The following ZNF44 variants were observed in gnomAD, a reference collection of about 807,000 sequenced individuals.
ZNF44 encodes the protein gonadotropin inducible transcription repressor-2.
In ZNF44, 9 loss-of-function variants were observed where a neutral mutation model predicts 11.7. That is an observed-to-expected ratio of 0.77 (90% CI 0.46 to 1.35). ZNF44 has a LOEUF of 1.35. Among genes scored for constraint, ZNF44 ranks in the 40% most tolerant of loss-of-function variants. The pLI, the probability that ZNF44 is intolerant of heterozygous loss-of-function variation, is 0.00. For synonymous variants in ZNF44, 224 were observed against 242.7 expected (o/e 0.92, Z 0.72); for missense variants, 696 against 743.1 (o/e 0.94, Z 0.74).
At chr19:12,248,634 T>G in exon 8 of ZNF44, 1 of 1,310,724 alleles carries the variant, frequency 7.6e-7, no homozygotes, top group Non-Finnish European at 1.0e-6. Context: ...TTCTCCGCCA[T>G]GACTACCTTC....
At chr19:12,242,443 G>C (rs1013945671), upstream of ZNF44, among the ~76,000 whole-genome samples, 2 of 150,948 alleles carry the variant, frequency 1.3e-5, no homozygotes, top group African/African-American at 4.9e-5. Context: ...CTGGGAGGCG[G>C]AGCTTGCAGT....
At position 12,273,709 on chromosome 19, in the gene ZNF44, T is replaced by A. The variant is rs1967082178; in HGVS notation, c.546A>T (p.Gly182=). ...TTACTACCATATGTCTTCGAAGGTTTCCAGGAGAACTGAAGGTTTTTCCAC... is the reference window on the plus strand; with the variant it reads ...TTACTACCATATGTCTTCGAAGGTTACCAGGAGAACTGAAGGTTTTTCCAC... ...KECGKTFSSP[G]NLRRHMVVKG... is the part of the protein sequence containing the mutation. The change falls in exon 4 of 4, where the codon GGA becomes GGT. Residue 182 remains glycine, a synonymous_variant. Transcript: ENST00000355684. The A allele has an allele frequency of 3.7e-6, 6 of 1,614,154 alleles. No individual in the cohort carries two copies. The highest frequency in any genetic ancestry group is 1.6e-4 in the Middle Eastern group (1 of 6,062).
chr19:12,230,091 C>G (rs1298050055), intron 3 of ZNF44, among the ~76,000 whole-genome samples: 3 of 152,086 alleles, frequency 2.0e-5, no homozygotes, highest in Admixed American at 2.0e-4. Context: ...CATTTTTGGG[C>G]CATCAGCTGT....
At chr19:12,286,324 G>T (rs1345727707) in intron 1 of ZNF44, among the ~76,000 whole-genome samples, 1 of 151,958 alleles carries the variant, frequency 6.6e-6, no homozygotes, top group Non-Finnish European at 1.5e-5. Flanking sequence ...AGAATCATCT[G>T]AAGGGCTTGT....
upstream of ZNF44, chr19:12,237,905 CTTTCTG>C (rs1457120655): frequency 6.6e-6 from 1 of 152,278 alleles, no homozygotes; most frequent in Non-Finnish European, 1.5e-5. Context: ...TCACTGGGCC[CTTTCTG>C]TTTCTTCCTT....
intron 1 of ZNF44, among the ~76,000 whole-genome samples, chr19:12,277,777 C>T (rs1967296660): frequency 6.6e-6 from 1 of 152,182 alleles, no homozygotes; most frequent in Admixed American, 6.5e-5. Context: ...TTTGTTTCCA[C>T]ATTATTGCCT....
At chr19:12,266,107 G>C (rs1208601318) in intron 5 of ZNF44, among the ~76,000 whole-genome samples, 4 of 152,082 alleles carry the variant, frequency 2.6e-5, no homozygotes, top group South Asian at 2.1e-4. Context: ...CCCGACTGCC[G>C]GCCGGACCAG....
At chr19:12,289,457 G>T (rs1967909635) in intron 1 of ZNF44, among the ~76,000 whole-genome samples, 1 of 151,952 alleles carries the variant, frequency 6.6e-6, no homozygotes, top group Admixed American at 6.6e-5. Flanking sequence ...TTGAGTCAGG[G>T]TAAAACACTC....
intron 1 of ZNF44, among the ~76,000 whole-genome samples, chr19:12,279,812 G>GA (rs981805036): frequency 2.2e-4 from 25 of 115,146 alleles, no homozygotes; most frequent in South Asian, 7.6e-4. Flanking sequence ...GCAACCAGTG[G>GA]AAAAAAAAAA....
intron 1 of ZNF44, among the ~76,000 whole-genome samples, chr19:12,235,318 G>A (rs867260319): frequency 6.6e-6 from 1 of 152,304 alleles, no homozygotes; most frequent in African/African-American, 2.4e-5. Flanking sequence ...GCAGTGAGCC[G>A]AGATCGCGCC....
chr19:12,260,896 T>C (rs1046847259), intron 5 of ZNF44, among the ~76,000 whole-genome samples: 4 of 152,100 alleles, frequency 2.6e-5, no homozygotes, highest in Non-Finnish European at 4.4e-5. Context: ...CAAGAGAAGA[T>C]AGACCCATGA....
At chr19:12,281,756 A>T (rs1327617741) in intron 1 of ZNF44, among the ~76,000 whole-genome samples, 2 of 152,156 alleles carry the variant, frequency 1.3e-5, no homozygotes, top group African/African-American at 4.8e-5. Flanking sequence ...AGGAACAACT[A>T]AGTGCCCACA....
intron 5 of ZNF44, among the ~76,000 whole-genome samples, chr19:12,252,051 C>CAAAA (rs61116689): frequency 1.1e-5 from 1 of 90,778 alleles, no homozygotes. Flanking sequence ...AACTCCATCT[C>CAAAA]AAAAAAAAAA....
At chr19:12,283,188 A>C (rs1967559704) in intron 1 of ZNF44, among the ~76,000 whole-genome samples, 1 of 152,218 alleles carries the variant, frequency 6.6e-6, no homozygotes, top group South Asian at 2.1e-4. Context: ...CAATGTAACC[A>C]TCCCCAACCA....
chr19:12,272,767 CCT>C lies in ZNF44; in HGVS notation c.1486_1487del (p.Arg496AspfsTer4). 2.5e-6 allele frequency: 4 copies of C among 1,613,906 alleles called. No individual in the cohort carries two copies. The highest frequency in any genetic ancestry group is 3.4e-6 in the Non-Finnish European group (4 of 1,179,866). Reference protein sequence around the residue: ...SSFKYFCRHERTHSEEKSYEC... With the variant: ...SSFKYFCRHEXTHSEEKSYEC... ...CATAAGATTTTTCTTCACTGTGAGT[CCT>C]TTCATGGCGACAAAAGTATTTAAAA... is the stretch of plus-strand genomic sequence containing the variant. On this transcript the variant is annotated frameshift_variant, in exon 4 of 4. Transcript: ENST00000355684. LOFTEE classifies it low-confidence loss of function (END_TRUNC).
At chr19:12,230,065 T>TGC (rs1211569629) in intron 3 of ZNF44, among the ~76,000 whole-genome samples, 2 of 152,188 alleles carry the variant, frequency 1.3e-5, no homozygotes, top group African/African-American at 4.8e-5. Context: ...CCTGAGAATT[T>TGC]GCAAGCTAAA....
chr19:12,255,130 A>AC (rs1418937188), intron 5 of ZNF44, among the ~76,000 whole-genome samples: 2 of 139,692 alleles, frequency 1.4e-5, no homozygotes, highest in Admixed American at 6.8e-5. Flanking sequence ...ACACACACAC[A>AC]CACCCCTTTG....
At chr19:12,290,835 A>T (rs1168503536) in intron 1 of ZNF44, among the ~76,000 whole-genome samples, 1 of 152,092 alleles carries the variant, frequency 6.6e-6, no homozygotes, top group African/African-American at 2.4e-5. Flanking sequence ...GCCCACAATG[A>T]CCTCCCTTTG....
Position 12,276,050 on chromosome 19 carries a change from G to T in ZNF44, c.36C>A (p.Asn12Lys). 6.2e-7 allele frequency: 1 copy of T among 1,608,470 alleles called. No individual in the cohort carries two copies. The highest frequency in any genetic ancestry group is 1.1e-5 in the South Asian group (1 of 91,042). Residue 12 changes from asparagine to lysine, a missense_variant, in exon 2 of 4, where the codon AAC becomes AAA. By Grantham distance (94) the Asn-to-Lys change is moderately conservative. Transcript: ENST00000355684. ...GCAAAGCCCACTCCTCATGGGTGAAGTTCACAGCCACATCCTCAAAGGCCA... is the reference window on the plus strand; with the variant it reads ...GCAAAGCCCACTCCTCATGGGTGAATTTCACAGCCACATCCTCAAAGGCCA... ...DSVAFEDVAV[N>K]FTHEEWALLG...
Sources: allele counts gnomAD v4.1 joint callset (sites outside exome capture counted in the v4.1 genomes callset), GRCh38; gene constraint gnomAD v4.1.1; transcripts MANE v1.5; gene names NCBI Gene and HGNC (gene_info 2026-07-23, HGNC 2026-07-21).